Variants in ROBO2 observed in about 807,000 individuals in gnomAD.
The protein encoded by ROBO2 is roundabout homolog 2.
In ROBO2, 53 loss-of-function variants were observed where a neutral mutation model predicts 160.8. The observed-to-expected ratio is 0.33, with a 90% CI of 0.26 to 0.41. The LOEUF (loss-of-function observed/expected upper bound fraction) is 0.41. Ranked by LOEUF, ROBO2 falls within the 10% of genes least tolerant of loss-of-function variation. The pLI is 1.00. For missense variants in ROBO2, 1,577 were observed against 1,722.4 expected, an observed-to-expected ratio of 0.92 and a Z score of 1.49; for synonymous variants, 664 against 611.7, an observed-to-expected ratio of 1.09 and a Z score of -1.26.
intron 2 of ROBO2, among the ~76,000 whole-genome samples, chr3:76,368,325 A>G (rs759267871): frequency 2.6e-5 from 4 of 152,018 alleles, no homozygotes; most frequent in Non-Finnish European, 5.9e-5. Context: ...CCCAAAACTT[A>G]GCAGCTTAAA....
At chr3:76,743,209 A>G (rs7628953) in intron 2 of ROBO2, among the ~76,000 whole-genome samples, 129,073 of 152,082 alleles carry the variant, frequency 0.85, 54,908 homozygotes, top group African/African-American at 0.89. Flanking sequence ...TTTGGCTAGG[A>G]CTAGGGATTT....
At chr3:76,978,874 C>CTT (rs202143795) in intron 2 of ROBO2, among the ~76,000 whole-genome samples, 2 of 149,030 alleles carry the variant, frequency 1.3e-5, no homozygotes, top group Non-Finnish European at 3.0e-5. Context: ...TCTTGTTTTA[C>CTT]TTTTTTTTGT....
At chr3:76,238,610 T>C (rs1705100474) in intron 2 of ROBO2, among the ~76,000 whole-genome samples, 1 of 150,432 alleles carries the variant, frequency 6.6e-6, no homozygotes, top group South Asian at 2.1e-4. Context: ...CTCCATGATC[T>C]AATCACCTCC....
At chr3:77,032,687 G>T (rs2063393634) in intron 2 of ROBO2, among the ~76,000 whole-genome samples, 1 of 152,150 alleles carries the variant, frequency 6.6e-6, no homozygotes, top group Non-Finnish European at 1.5e-5. Flanking sequence ...ACAGTGCAAA[G>T]CATACAACAG....
intron 2 of ROBO2, among the ~76,000 whole-genome samples, chr3:77,409,661 A>G (rs1209797023): frequency 1.3e-5 from 2 of 152,094 alleles, no homozygotes; most frequent in African/African-American, 2.4e-5. Context: ...ATGACCAGTA[A>G]TTTTCACTGG....
chr3:76,461,108 A>G (rs2078061513), intron 2 of ROBO2, among the ~76,000 whole-genome samples: 1 of 152,240 alleles, frequency 6.6e-6, no homozygotes, highest in South Asian at 2.1e-4. Flanking sequence ...TAAAAGAAGC[A>G]TGGTGCTGGC....
intron 2 of ROBO2, among the ~76,000 whole-genome samples, chr3:77,291,607 A>C (rs1265375496): frequency 1.3e-5 from 2 of 151,668 alleles, no homozygotes; most frequent in Non-Finnish European, 2.9e-5. Context: ...TAAAGACATA[A>C]AGTAAAATTG....
At chr3:76,563,474 C>G (rs1360051173) in intron 2 of ROBO2, among the ~76,000 whole-genome samples, 1 of 152,074 alleles carries the variant, frequency 6.6e-6, no homozygotes, top group African/African-American at 2.4e-5. Flanking sequence ...CATTATTATT[C>G]TTGTCCCTTT....
At chr3:77,228,840 T>G (rs1168191193) in intron 2 of ROBO2, among the ~76,000 whole-genome samples, 1 of 152,226 alleles carries the variant, frequency 6.6e-6, no homozygotes, top group Admixed American at 6.5e-5. Flanking sequence ...CTCTTGAAGT[T>G]ACTCTGCTGA....
chr3:76,377,921 A>AT (rs374050361), intron 2 of ROBO2, among the ~76,000 whole-genome samples: 230 of 152,246 alleles, frequency 1.5e-3, no homozygotes, highest in Non-Finnish European at 2.3e-3. Context: ...AGTGGCATGT[A>AT]ATTTGGTTCC....
At chr3:77,154,316 T>C (rs2077794011) in intron 2 of ROBO2, among the ~76,000 whole-genome samples, 1 of 152,098 alleles carries the variant, frequency 6.6e-6, no homozygotes, top group Non-Finnish European at 1.5e-5. Context: ...GTGAGGTATG[T>C]TTAGCTAAAT....
chr3:76,033,847 G>T (rs985688913), intron 2 of ROBO2, among the ~76,000 whole-genome samples: 3 of 152,120 alleles, frequency 2.0e-5, no homozygotes, highest in African/African-American at 4.8e-5. Flanking sequence ...TCTACCTGCG[G>T]CCTGTCACCC....
At chr3:76,676,274 G>C (rs1166263235) in intron 2 of ROBO2, among the ~76,000 whole-genome samples, 1 of 151,758 alleles carries the variant, frequency 6.6e-6, no homozygotes, top group Non-Finnish European at 1.5e-5. Flanking sequence ...CATGAGATCT[G>C]ATGGTTTTGT....
chr3:77,241,658 A>T (rs780153848), intron 2 of ROBO2, among the ~76,000 whole-genome samples: 9 of 152,202 alleles, frequency 5.9e-5, no homozygotes, highest in Non-Finnish European at 1.2e-4. Context: ...GGCAGAGGAG[A>T]AAATTCGGGT....
intron 2 of ROBO2, among the ~76,000 whole-genome samples, chr3:76,878,274 C>T (rs1206761520): frequency 6.6e-6 from 1 of 152,070 alleles, no homozygotes; most frequent in Non-Finnish European, 1.5e-5. Flanking sequence ...ATTTTTAATA[C>T]TTTGTGTATC....
chr3:77,584,684 T>C (rs2153680464), intron 16 of ROBO2, among the ~76,000 whole-genome samples: 1 of 152,128 alleles, frequency 6.6e-6, no homozygotes, highest in South Asian at 2.1e-4. Context: ...AATTGTCTTC[T>C]CTTTCTTAAT....
chr3:77,374,105 G>T (rs2072249290), intron 2 of ROBO2, among the ~76,000 whole-genome samples: 1 of 142,950 alleles, frequency 7.0e-6, no homozygotes, highest in African/African-American at 2.7e-5. Flanking sequence ...GGGAGGCGGA[G>T]CTTGCAGTGA....
At chr3:77,098,703 A>G (rs908938133) in intron 2 of ROBO2, among the ~76,000 whole-genome samples, 1 of 152,026 alleles carries the variant, frequency 6.6e-6, no homozygotes, top group African/African-American at 2.4e-5. Context: ...AAAAGAAAAA[A>G]AAAATTATCC....
intron 2 of ROBO2, among the ~76,000 whole-genome samples, chr3:76,648,329 A>G (rs1013039116): frequency 6.6e-6 from 1 of 152,130 alleles, no homozygotes; most frequent in Non-Finnish European, 1.5e-5. Flanking sequence ...TTGAAGTAAG[A>G]TGTTAGAAAG....
Sources: gnomAD v4.1 joint callset for allele counts (sites outside exome capture counted in the v4.1 genomes callset) on GRCh38, gnomAD v4.1.1 for gene constraint, MANE v1.5 for transcripts, NCBI Gene and HGNC (gene_info 2026-07-23, HGNC 2026-07-21) for gene names.